The following PMS1 variants were observed in gnomAD, a reference collection of about 807,000 sequenced individuals.
The protein encoded by PMS1 is PMS1 homolog 1, mismatch repair system component, also known as PMS1 protein homolog 1.
A neutral mutation model predicts 93.1 loss-of-function variants in PMS1; 79 were observed. The observed-to-expected ratio is 0.85, with a 90% confidence interval of 0.71 to 1.02. PMS1 has a LOEUF of 1.02. Ranked by LOEUF, PMS1 falls within the 50% of genes least tolerant of loss-of-function variation. The pLI is 0.00. For missense variants in PMS1, 1,064 were observed against 1,085.3 expected (o/e 0.98, Z 0.28); for synonymous variants, 335 against 363.4 (o/e 0.92, Z 0.89).
chr2:189,807,186 T>C (rs1336563699), intron 4 of PMS1: 1 of 163,742 alleles, frequency 6.1e-6, no homozygotes, highest in African/African-American at 2.4e-5. Flanking sequence ...CCATTAGGAA[T>C]TGATATTTTT....
chr2:189,792,964 C>CA (rs2049025584), intron 2 of PMS1, among the ~76,000 whole-genome samples: 2 of 151,952 alleles, frequency 1.3e-5, no homozygotes, highest in Admixed American at 1.3e-4. Context: ...CACCTGTTAC[C>CA]ACGCCTGGCA....
chr2:189,845,250 A>T (rs1332624554), intron 6 of PMS1, among the ~76,000 whole-genome samples: 1 of 152,096 alleles, frequency 6.6e-6, no homozygotes, highest in Non-Finnish European at 1.5e-5. Context: ...CTATAAAACA[A>T]TCTTCGTTAA....
intron 10 of PMS1, among the ~76,000 whole-genome samples, chr2:189,864,982 A>C (rs920772344): frequency 2.6e-5 from 4 of 151,490 alleles, no homozygotes; most frequent in Non-Finnish European, 5.9e-5. Context: ...ACTTTGCCAC[A>C]TTTGCTTTAC....
At chr2:189,817,951 T>G (rs1473676829) in intron 4 of PMS1, 66 bp from the exon 5 acceptor site, 3 of 1,203,922 alleles carry the variant, frequency 2.5e-6, no homozygotes, top group Admixed American at 3.4e-5. Context: ...ACAAATTGTA[T>G]ACGGATTTGA....
intron 12 of PMS1, among the ~76,000 whole-genome samples, chr2:189,876,814 G>A (rs1010094782): frequency 7.7e-6 from 1 of 130,606 alleles, no homozygotes; most frequent in Non-Finnish European, 1.6e-5. Flanking sequence ...GTCTCACTGT[G>A]TTGCCCAGGC....
Position 189,844,475 on chromosome 2 carries a change from C to G in PMS1, c.699+395C>G, listed in dbSNP as rs981167134. Among the ~76,000 whole-genome samples the G allele has an allele frequency of 4.6e-5, 7 of 152,066 alleles. 1 individual carries two copies. The South Asian group carries it at 1.5e-3, about 32-fold the overall frequency. ...CCTGGCCAACATGGTGAAACCCTGT[C>G]TCTACTAAAAATACAAAAATTAGCC... On this transcript the variant is annotated intron_variant, in intron 6 of 12. Transcript: ENST00000441310.
At chr2:189,866,947 C>T (rs2056713734) in intron 10 of PMS1, among the ~76,000 whole-genome samples, 1 of 152,184 alleles carries the variant, frequency 6.6e-6, no homozygotes, top group African/African-American at 2.4e-5. Context: ...TTAGATGAAA[C>T]AGAGTACATG....
intron 6 of PMS1, among the ~76,000 whole-genome samples, chr2:189,846,715 G>A (rs1022492585): frequency 3.3e-5 from 5 of 152,116 alleles, no homozygotes; most frequent in Non-Finnish European, 7.4e-5. Flanking sequence ...AAATTTTCAT[G>A]CCTGAGAATG....
chr2:189,867,365 A>G (rs1043912049), intron 10 of PMS1, among the ~76,000 whole-genome samples: 1 of 152,200 alleles, frequency 6.6e-6, no homozygotes, highest in Non-Finnish European at 1.5e-5. Flanking sequence ...AAATTGATTA[A>G]TTTATTAGTT....
Position 189,863,742 on chromosome 2 carries a change from G to T in PMS1, c.1857-1G>T. The T allele has an allele frequency of 6.4e-7, 1 of 1,569,976 alleles. No individual in the cohort carries two copies. Among genetic ancestry groups the T allele is most frequent in the Non-Finnish European group, 8.8e-7 (1 of 1,140,376 alleles). Reference sequence around the variant, plus strand: ...TAGTTCTATTTTATTTCTATTCTTAGATATGAAGAGAAGGCTACTAAAGAC... The same window carrying T: ...TAGTTCTATTTTATTTCTATTCTTATATATGAAGAGAAGGCTACTAAAGAC... On this transcript the variant is annotated splice_acceptor_variant, in intron 9 of 12. Transcript: ENST00000441310. LOFTEE classifies it high-confidence loss of function.
Position 189,829,473 on chromosome 2 carries a change from C to T in PMS1, c.582+11293C>T, listed in dbSNP as rs149572130. On this transcript the variant is annotated intron_variant, in intron 5 of 12. Transcript: ENST00000441310. The stretch of plus-strand genomic sequence containing the variant: ...GCCCCCTGGTGTCCTTGGTTCTCTC[C>T]TTACCCTGCTTAAATTTTGTGGTCC... Among the ~76,000 whole-genome samples, 19 of 152,210 alleles carry T rather than the reference C, an allele frequency of 1.2e-4. No homozygotes were observed. In the East Asian group the frequency reaches 3.7e-3, roughly 29 times the overall value.
intron 3 of PMS1, among the ~76,000 whole-genome samples, chr2:189,801,927 T>A (rs771854604): frequency 6.6e-6 from 1 of 152,244 alleles, no homozygotes; most frequent in Non-Finnish European, 1.5e-5. Flanking sequence ...CCGCATTCTA[T>A]GTATGCTATT....
At chr2:189,818,214 T>C (rs754674050) in intron 5 of PMS1, 34 bp downstream of exon 5, 6 of 1,350,164 alleles carry the variant, frequency 4.4e-6, no homozygotes, top group Non-Finnish European at 6.3e-6. Context: ...AGTTTCTGGG[T>C]ATATGATATA....
At chr2:189,824,846 A>G (rs1442703605) in intron 5 of PMS1, among the ~76,000 whole-genome samples, 2 of 152,116 alleles carry the variant, frequency 1.3e-5, no homozygotes, top group Non-Finnish European at 2.9e-5. Context: ...GTTAAAATAT[A>G]TTGTTAAACC....
At chr2:189,845,565 G>A (rs747230890) in intron 6 of PMS1, among the ~76,000 whole-genome samples, 3 of 151,706 alleles carry the variant, frequency 2.0e-5, no homozygotes, top group East Asian at 3.9e-4. Context: ...AGTTCATTAC[G>A]TCTTTTTGAA....
At chr2:189,840,387 A>T (rs1043870241) in intron 5 of PMS1, among the ~76,000 whole-genome samples, 2 of 152,192 alleles carry the variant, frequency 1.3e-5, no homozygotes, top group African/African-American at 4.8e-5. Flanking sequence ...AAACTTTGTG[A>T]TTGGTACAAG....
At chr2:189,829,081 T>G (rs553122285) in intron 5 of PMS1, among the ~76,000 whole-genome samples, 15 of 152,136 alleles carry the variant, frequency 9.9e-5, no homozygotes, top group Non-Finnish European at 1.6e-4. Context: ...TTGAATATAG[T>G]AGAGGATGAA....
At chr2:189,861,747 CAAA>C (rs60765447) in intron 9 of PMS1, among the ~76,000 whole-genome samples, 4 of 115,056 alleles carry the variant, frequency 3.5e-5, no homozygotes, top group Admixed American at 9.2e-5. Flanking sequence ...GACTCTGTCT[CAAA>C]AAAAAAAAAA....
chr2:189,865,769 G>A (rs1435376452), intron 10 of PMS1, among the ~76,000 whole-genome samples: 1 of 152,030 alleles, frequency 6.6e-6, no homozygotes, highest in Non-Finnish European at 1.5e-5. Context: ...TTCTTTTTCA[G>A]TCAGACACAG....
Sources: allele counts gnomAD v4.1 joint callset (sites outside exome capture counted in the v4.1 genomes callset), GRCh38; gene constraint gnomAD v4.1.1; transcripts MANE v1.5; gene names NCBI Gene and HGNC (gene_info 2026-07-23, HGNC 2026-07-21).